Variants in KIF21A observed in about 807,000 individuals in gnomAD.
The protein encoded by KIF21A is kinesin-like protein KIF21A.
In KIF21A, 114 loss-of-function variants were observed where a neutral mutation model predicts 202.9. The ratio of observed to expected loss-of-function variants is 0.56; its 90% confidence interval spans 0.48 to 0.66. The LOEUF (loss-of-function observed/expected upper bound fraction) is 0.66, where lower values mean the gene tolerates loss of function less well. KIF21A is among the 30% of genes least tolerant of loss of function. The pLI is 0.00. For missense variants in KIF21A, 1,677 were observed against 1,994.9 expected (o/e 0.84, Z 3.04); for synonymous variants, 667 against 670.8 (o/e 0.99, Z 0.09).
intron 29 of KIF21A, 57 bp from the exon 30 acceptor site, chr12:39,316,027 A>T: frequency 8.2e-7 from 1 of 1,216,310 alleles, no homozygotes; most frequent in South Asian, 1.2e-5. Context: ...ACAGGTAAGG[A>T]CACTGACTTT....
At chr12:39,299,603 T>TATAC (rs1942769272) in intron 37 of KIF21A, among the ~76,000 whole-genome samples, 1 of 152,092 alleles carries the variant, frequency 6.6e-6, no homozygotes, top group Admixed American at 6.5e-5. Flanking sequence ...CATTACTGGG[T>TATAC]GTATAGCAGA....
At chr12:39,349,937 A>G (rs1378823596) in intron 11 of KIF21A, among the ~76,000 whole-genome samples, 1 of 152,036 alleles carries the variant, frequency 6.6e-6, no homozygotes, top group African/African-American at 2.4e-5. Context: ...TATAGGTGTC[A>G]GTGTACGAAG....
chr12:39,305,012 G>T (rs1018940915), intron 34 of KIF21A, 74 bp from the exon 35 acceptor site: 7 of 743,532 alleles, frequency 9.4e-6, no homozygotes, highest in South Asian at 3.0e-5. Flanking sequence ...CAACATAAAC[G>T]ATCTACATTC....
intron 10 of KIF21A, among the ~76,000 whole-genome samples, chr12:39,355,707 T>TTATACATATATATATATA (rs1555172725): frequency 1.4e-4 from 14 of 101,238 alleles, no homozygotes; most frequent in African/African-American, 5.8e-4. Flanking sequence ...GCATGAACAA[T>TTATACATATATATATATA]TATATATATA....
chr12:39,320,428 T>C (rs889567406), intron 27 of KIF21A, among the ~76,000 whole-genome samples: 2 of 151,378 alleles, frequency 1.3e-5, no homozygotes, highest in African/African-American at 2.4e-5. Context: ...TGAATTAATA[T>C]TGAGACACAA....
intron 32 of KIF21A, among the ~76,000 whole-genome samples, chr12:39,310,618 T>C (rs1003573608): frequency 4.6e-5 from 7 of 152,062 alleles, no homozygotes; most frequent in African/African-American, 1.7e-4. Context: ...TTTATCTTCA[T>C]GTCTCTGCTT....
chr12:39,405,649 C>T (rs73088806), intron 1 of KIF21A, among the ~76,000 whole-genome samples: 1,585 of 152,142 alleles, frequency 0.01, 37 homozygotes, highest in African/African-American at 0.034. Flanking sequence ...GAAACAAAAA[C>T]CTACACACAC....
At chr12:39,389,001 T>C (rs1407646783) in intron 1 of KIF21A, among the ~76,000 whole-genome samples, 2 of 152,212 alleles carry the variant, frequency 1.3e-5, no homozygotes, top group Non-Finnish European at 2.9e-5. Flanking sequence ...GTAACACTTC[T>C]TAATATGTAA....
At chr12:39,343,335 G>T (rs1037242139) in intron 12 of KIF21A, among the ~76,000 whole-genome samples, 1 of 151,810 alleles carries the variant, frequency 6.6e-6, no homozygotes, top group Non-Finnish European at 1.5e-5. Flanking sequence ...ACTCTAGCCC[G>T]GGCAACAGAG....
intron 1 of KIF21A, among the ~76,000 whole-genome samples, chr12:39,408,816 GT>G (rs111812164): frequency 0.28 from 41,922 of 147,662 alleles, 7,087 homozygotes; most frequent in African/African-American, 0.49. Context: ...GCTTTTGTTG[GT>G]TTTTTTTTGT....
Position 39,367,921 on chromosome 12 carries a change from C to T in KIF21A, c.562G>A (p.Val188Met). The T allele has an allele frequency of 6.2e-7, 1 of 1,609,706 alleles. No individual in the cohort carries two copies. Among genetic ancestry groups the T allele is most frequent in the East Asian group, 2.2e-5 (1 of 44,706 alleles). Residue 188 changes from valine to methionine, a missense_variant, in exon 4 of 38, where the codon GTG becomes ATG. Physicochemically the swap from Val to Met is conservative, Grantham distance 21 (BLOSUM62 1). This residue lies in a region of KIF21A where 966 missense variants were observed against 1,180.9 expected (regional missense o/e 0.82). Transcript: ENST00000361418. ...HEDSTGGIYTVGVTTRTVNTE... is the reference protein window; with the variant it reads ...HEDSTGGIYTMGVTTRTVNTE... ...TTCACAGTACGTGTTGTAACGCCCA[C>T]AGTATAAATTCCTCCAGTTGAATCT...
chr12:39,344,282 C>A (rs77481177), intron 12 of KIF21A, among the ~76,000 whole-genome samples: 1,664 of 152,224 alleles, frequency 0.011, 39 homozygotes, highest in African/African-American at 0.036. Flanking sequence ...CCCCTTTCAT[C>A]CAATCATCAA....
At chr12:39,361,522 CTTT>C (rs541860250) in intron 7 of KIF21A, among the ~76,000 whole-genome samples, 5 of 131,722 alleles carry the variant, frequency 3.8e-5, no homozygotes, top group Non-Finnish European at 3.2e-5. Context: ...AACTTTCTTT[CTTT>C]TTTTTTTTTT....
At position 39,402,705 on chromosome 12, in the gene KIF21A, A is replaced by C. The variant is rs553900437; in HGVS notation, c.45-32444T>G. Among the ~76,000 whole-genome samples the C allele has an allele frequency of 8.5e-5, 13 of 152,326 alleles. 1 individual carries two copies. Among genetic ancestry groups the C allele is most frequent in the African/African-American group, 2.9e-4 (12 of 41,584 alleles). ...CCCAGGATGACTTTGCATGTGGCCC[A>C]ACACAAATTCATAAACTTTCTTAAA... On this transcript the variant is annotated intron_variant, in intron 1 of 37. Transcript: ENST00000361418.
chr12:39,318,928 C>G (rs1392904623), intron 28 of KIF21A, among the ~76,000 whole-genome samples: 1 of 151,818 alleles, frequency 6.6e-6, no homozygotes, highest in East Asian at 1.9e-4. Context: ...TTGCAGTGAG[C>G]CGAGATAGCG....
At chr12:39,378,767 G>A (rs1950421321) in intron 1 of KIF21A, among the ~76,000 whole-genome samples, 1 of 152,134 alleles carries the variant, frequency 6.6e-6, no homozygotes. Flanking sequence ...GTCAGAGGTA[G>A]GGGAACGATA....
chr12:39,354,002 G>T (rs1592294447), intron 10 of KIF21A, among the ~76,000 whole-genome samples: 1 of 152,230 alleles, frequency 6.6e-6, no homozygotes, highest in Non-Finnish European at 1.5e-5. Context: ...TTGCATGCCA[G>T]CTGTCATTCA....
chr12:39,376,070 C>T (rs1000085340), intron 1 of KIF21A, among the ~76,000 whole-genome samples: 4 of 152,056 alleles, frequency 2.6e-5, no homozygotes, highest in African/African-American at 4.8e-5. Context: ...CTCTTTGGCT[C>T]CCCAGACTGT....
At chr12:39,383,075 A>T (rs187589176) in intron 1 of KIF21A, among the ~76,000 whole-genome samples, 10 of 152,360 alleles carry the variant, frequency 6.6e-5, no homozygotes, top group Non-Finnish European at 1.3e-4. Context: ...AAGAGCAGGC[A>T]TCTAGGAAAG....
Sources: allele counts gnomAD v4.1 joint callset (sites outside exome capture counted in the v4.1 genomes callset), GRCh38; gene constraint gnomAD v4.1.1; regional missense constraint gnomAD v4.1.1; transcripts MANE v1.5; gene names NCBI Gene and HGNC (gene_info 2026-07-23, HGNC 2026-07-21).